Variants in STRADA observed in about 807,000 individuals in gnomAD.
STRADA encodes STE20 related adaptor alpha.
STRADA carries 26 observed loss-of-function variants against 55.0 expected under a neutral mutation model. The observed-to-expected ratio is 0.47, with a 90% CI of 0.35 to 0.66. The LOEUF (loss-of-function observed/expected upper bound fraction) is 0.66, where lower values mean the gene tolerates loss of function less well. STRADA is among the 30% of genes least tolerant of loss of function. STRADA has a pLI of 0.01. For missense variants in STRADA, 443 were observed against 549.7 expected (o/e 0.81, Z 1.94); for synonymous variants, 197 against 210.9 (o/e 0.93, Z 0.57).
At chr17:63,737,244 A>G in intron 1 of STRADA, among the ~76,000 whole-genome samples, 2 of 122,426 alleles carry the variant, frequency 1.6e-5, no homozygotes, top group African/African-American at 3.6e-5. Flanking sequence ...GCAACACTCT[A>G]TCTCAAAAAA....
At chr17:63,740,086 C>T (rs1001956623) in intron 1 of STRADA, among the ~76,000 whole-genome samples, 1 of 41,536 alleles carries the variant, frequency 2.4e-5, no homozygotes, top group Non-Finnish European at 4.0e-5. Flanking sequence ...ACATTTAACA[C>T]TATATATATA....
chr17:63,726,541 C>A (rs563290179), intron 3 of STRADA, 97 bp downstream of exon 3: 4 of 1,155,052 alleles, frequency 3.5e-6, no homozygotes, highest in Admixed American at 4.5e-5. Flanking sequence ...GTTACACTTG[C>A]CCTTAGAATT....
At chr17:63,705,013 C>T in intron 10 of STRADA, 1 of 1,137,656 alleles carries the variant, frequency 8.8e-7, no homozygotes, top group Non-Finnish European at 1.3e-6. Context: ...AGTGCCACAG[C>T]CTGGGCTGTC....
chr17:63,710,429 C>T (rs1598173285), intron 8 of STRADA, 62 bp downstream of exon 8: 1 of 1,597,118 alleles, frequency 6.3e-7, no homozygotes, highest in Non-Finnish European at 8.5e-7. Context: ...CTTCACTTTA[C>T]CTGAAGGCTC....
intron 1 of STRADA, among the ~76,000 whole-genome samples, chr17:63,730,328 TC>T (rs1182425011): frequency 6.6e-6 from 1 of 152,078 alleles, no homozygotes; most frequent in Non-Finnish European, 1.5e-5. Flanking sequence ...GAAGTTGCCT[TC>T]ATAGGGCCCT....
At chr17:63,738,167 G>A (rs931131122) in intron 1 of STRADA, among the ~76,000 whole-genome samples, 1 of 150,806 alleles carries the variant, frequency 6.6e-6, no homozygotes, top group East Asian at 1.9e-4. Context: ...ATAGTGAAAC[G>A]CCGTCTCTAC....
intron 3 of STRADA, among the ~76,000 whole-genome samples, chr17:63,725,473 T>C (rs1012483153): frequency 5.9e-5 from 9 of 151,902 alleles, no homozygotes; most frequent in Non-Finnish European, 1.2e-4. Context: ...TGCTTCAGTC[T>C]CCCTAGCAGC....
chr17:63,738,787 T>A (rs1488951120), intron 1 of STRADA, among the ~76,000 whole-genome samples: 2 of 151,672 alleles, frequency 1.3e-5, no homozygotes. Flanking sequence ...GAGCTGTGAT[T>A]GTGCTACTGC....
At chr17:63,725,109 T>C (rs912077521) in intron 3 of STRADA, among the ~76,000 whole-genome samples, 26 of 151,996 alleles carry the variant, frequency 1.7e-4, no homozygotes, top group Admixed American at 1.6e-3. Flanking sequence ...TGTGATCCTG[T>C]AATCCCAGCT....
At chr17:63,703,863 G>C in intron 12 of STRADA, 112 bp from the exon 13 acceptor site, 2 of 1,611,464 alleles carry the variant, frequency 1.2e-6, no homozygotes, top group Non-Finnish European at 1.7e-6. Context: ...CCAACTCCAT[G>C]AGAGGAAGGA....
chr17:63,735,809 T>C (rs6504180), intron 1 of STRADA, among the ~76,000 whole-genome samples: 105,732 of 152,098 alleles, frequency 0.7, 38,020 homozygotes, highest in African/African-American at 0.9. Context: ...TCCTAAGGGG[T>C]TCTGAAACAA....
intron 1 of STRADA, among the ~76,000 whole-genome samples, chr17:63,740,147 T>TACATATATACACACAC (rs2038822119): frequency 1.5e-5 from 1 of 67,010 alleles, no homozygotes; most frequent in Non-Finnish European, 2.7e-5. Flanking sequence ...TATATATATA[T>TACATATATACACACAC]ACACACACAC....
intron 3 of STRADA, chr17:63,723,614 G>C: frequency 2.7e-6 from 1 of 364,826 alleles, no homozygotes; most frequent in African/African-American, 2.1e-5. Context: ...TACATTTCTG[G>C]TCATACATTT....
At position 63,710,928 on chromosome 17, in the gene STRADA, T is replaced by C. The variant is rs986909649; in HGVS notation, c.349-92A>G. On this transcript the variant is annotated intron_variant, in intron 6 of 12. Transcript: ENST00000336174. ...TGGCAGCATGGACAATAGGGGGACC[T>C]GGCACTTTCTGGGTGTTCTCAGAGT... is the stretch of plus-strand genomic sequence containing the variant. 21 of 1,142,036 alleles carry C rather than the reference T, an allele frequency of 1.8e-5. No individual in the cohort carries two copies. In the Admixed American group the frequency reaches 3.0e-4, roughly 16 times the overall value. 70.7% of individuals were successfully genotyped at this position (1,142,036 alleles called of 1,614,324 possible).
At chr17:63,728,073 G>T (rs2037774383) in intron 2 of STRADA, 1 of 438,480 alleles carries the variant, frequency 2.3e-6, no homozygotes, top group Non-Finnish European at 4.1e-6. Context: ...AATGTTGTAT[G>T]ACTGATATTC....
chr17:63,722,789 T>A (rs186936537), intron 4 of STRADA, among the ~76,000 whole-genome samples: 1 of 152,372 alleles, frequency 6.6e-6, no homozygotes, highest in Admixed American at 6.5e-5. Context: ...GGTAAGAATC[T>A]TGCAGCTTTC....
intron 2 of STRADA, chr17:63,727,429 G>C (rs867902138): frequency 1.3e-5 from 2 of 152,252 alleles, no homozygotes; most frequent in South Asian, 2.1e-4. Context: ...ACTGGGCAGA[G>C]TTCAGGCTAT....
chr17:63,719,204 C>T (rs2037115733), intron 4 of STRADA: 1 of 152,168 alleles, frequency 6.6e-6, no homozygotes, highest in Non-Finnish European at 1.5e-5. Flanking sequence ...CTCATAATGA[C>T]ACAGTCGTTA....
intron 10 of STRADA, 114 bp downstream of exon 10, chr17:63,706,521 G>T: frequency 4.0e-6 from 3 of 741,556 alleles, no homozygotes; most frequent in Non-Finnish European, 6.7e-6. Flanking sequence ...TGAAGGAAAA[G>T]ACAGGGTCTT....
Sources: allele counts gnomAD v4.1 joint callset (sites outside exome capture counted in the v4.1 genomes callset), GRCh38; gene constraint gnomAD v4.1.1; transcripts MANE v1.5; gene names NCBI Gene and HGNC (gene_info 2026-07-23, HGNC 2026-07-21).